Variants in GEMIN5 observed in about 807,000 individuals in gnomAD.
GEMIN5 encodes gem nuclear organelle associated protein 5.
GEMIN5 carries 124 observed loss-of-function variants against 176.9 expected under a neutral mutation model. The ratio of observed to expected loss-of-function variants is 0.70; its 90% CI spans 0.61 to 0.81. The LOEUF is 0.81. Ranked by LOEUF, GEMIN5 falls within the 40% of genes least tolerant of loss-of-function variation. The pLI, the probability that GEMIN5 is intolerant of heterozygous loss-of-function variation, is 0.00. For synonymous variants in GEMIN5, 673 were observed against 665.2 expected (o/e 1.01, Z -0.18); for missense variants, 1,843 against 1,814.6 (o/e 1.02, Z -0.28).
At chr5:154,918,154 T>C in intron 11 of GEMIN5, 150 bp from the exon 12 acceptor site, 3 of 607,306 alleles carry the variant, frequency 4.9e-6, no homozygotes, top group Non-Finnish European at 8.7e-6. Context: ...GTAAAAGGAT[T>C]ACTAAGAACA....
chr5:154,892,894 C>A (rs529282010), intron 24 of GEMIN5, among the ~76,000 whole-genome samples: 3 of 152,094 alleles, frequency 2.0e-5, no homozygotes, highest in Admixed American at 6.5e-5. Flanking sequence ...GTCAGGAGTT[C>A]AAGACCAGCC....
intron 20 of GEMIN5, among the ~76,000 whole-genome samples, chr5:154,902,323 C>G (rs1763481798): frequency 6.6e-6 from 1 of 152,152 alleles, no homozygotes; most frequent in South Asian, 2.1e-4. Flanking sequence ...TCAAGAAGTT[C>G]TCACCAATTA....
chr5:154,928,377 G>C, intron 6 of GEMIN5, 150 bp downstream of exon 6: 1 of 695,890 alleles, frequency 1.4e-6, no homozygotes, highest in Non-Finnish European at 2.5e-6. Context: ...TCTGTTAGTA[G>C]ATAGCACAGG....
intron 8 of GEMIN5, among the ~76,000 whole-genome samples, chr5:154,925,257 T>TA (rs1764006161): frequency 6.6e-6 from 1 of 152,206 alleles, no homozygotes; most frequent in Non-Finnish European, 1.5e-5. Context: ...AGATAGATCA[T>TA]AAACTGTCCA....
In GEMIN5 at chr5:154,901,375, T is replaced by C. The variant is rs1315054443; in HGVS notation, c.2978A>G (p.Glu993Gly). Residue 993 changes from glutamate (E) to glycine (G), a missense_variant, in exon 21 of 28, where the codon GAA becomes GGA. By Grantham distance (98) the Glu-to-Gly change is moderately conservative (BLOSUM62 -2). Coordinates refer to ENST00000285873, the MANE Select transcript of GEMIN5 (RefSeq NM_015465.5). ...SHLLSIHKVY[E>G]AVELLKSNHF... ...GTTTGACTTGAGCAGCTCCACCGCTTCATACACTTTGTGGATGGAAAGTAG... is the reference window on the plus strand; with the variant it reads ...GTTTGACTTGAGCAGCTCCACCGCTCCATACACTTTGTGGATGGAAAGTAG... 6.2e-7 allele frequency: 1 copy of C among 1,614,124 alleles called. No individual in the cohort carries two copies. The highest frequency in any genetic ancestry group is 1.3e-5 in the African/African-American group (1 of 75,044).
intron 1 of GEMIN5, 84 bp downstream of exon 1, chr5:154,937,884 G>A (rs80222919): frequency 0.039 from 47,936 of 1,242,482 alleles, 1,097 homozygotes; most frequent in Middle Eastern, 0.043. Flanking sequence ...CCTAGCTGTA[G>A]AAAACGGGGT....
At chr5:154,897,376 T>C (rs1364593466) in intron 23 of GEMIN5, among the ~76,000 whole-genome samples, 2 of 152,226 alleles carry the variant, frequency 1.3e-5, no homozygotes, top group Non-Finnish European at 2.9e-5. Context: ...ACTAGGTAAG[T>C]GTGCCAATGC....
chr5:154,920,191 T>C (rs1763896468), intron 10 of GEMIN5, 88 bp from the exon 11 acceptor site: 6 of 956,580 alleles, frequency 6.3e-6, no homozygotes, highest in Non-Finnish European at 9.2e-6. Context: ...CCATACTACA[T>C]AGTTGTTTTA....
chr5:154,903,235 C>T, intron 18 of GEMIN5, 60 bp from the exon 19 acceptor site: 2 of 1,087,766 alleles, frequency 1.8e-6, no homozygotes, highest in Non-Finnish European at 2.8e-6. Flanking sequence ...ACAGTTTTCT[C>T]TCCAATAACT....
At chr5:154,918,810 G>C (rs1351423308) in intron 11 of GEMIN5, among the ~76,000 whole-genome samples, 1 of 152,212 alleles carries the variant, frequency 6.6e-6, no homozygotes, top group Non-Finnish European at 1.5e-5. Flanking sequence ...GGGAGGCCAA[G>C]TGGGGTGGAT....
chr5:154,901,511 A>G, intron 20 of GEMIN5, 25 bp from the exon 21 acceptor site: 1 of 1,610,028 alleles, frequency 6.2e-7, no homozygotes, highest in Non-Finnish European at 8.5e-7. Context: ...GATGGTGGTT[A>G]AAAAAACAGT....
chr5:154,891,875 C>A (rs187406726), intron 25 of GEMIN5, 133 bp from the exon 26 acceptor site: 2 of 839,762 alleles, frequency 2.4e-6, no homozygotes, highest in East Asian at 2.5e-5. Flanking sequence ...TGTGATCCAC[C>A]GGGCCACATG....
chr5:154,891,642 T>C lies in GEMIN5; in HGVS notation c.3861A>G (p.Glu1287=), dbSNP rs1296620963. ...EAFFLYGRLY[E]FWWSLSRPCP... ...AAGGTCTGGAGAGAGACCACCAGAA[T>C]TCATACAGACGCCCATAAAGAAAAA... Residue 1287 remains glutamate (E), a synonymous_variant, in exon 26 of 28, where the codon GAA becomes GAG. Transcript: ENST00000285873. 18 of 1,614,090 alleles carry C rather than the reference T, an allele frequency of 1.1e-5. No homozygotes were observed. Among genetic ancestry groups the C allele is most frequent in the South Asian group, 3.3e-5 (3 of 91,052 alleles).
chr5:154,932,217 G>T lies in GEMIN5; in HGVS notation c.543C>A (p.Ile181=). 6.2e-7 allele frequency: 1 copy of T among 1,610,710 alleles called. No homozygotes were observed. Among genetic ancestry groups the T allele is most frequent in the Non-Finnish European group, 8.5e-7 (1 of 1,177,022 alleles). Residue 181 remains isoleucine, a synonymous_variant, in exon 4 of 28, where the codon ATC becomes ATA. Transcript: ENST00000285873. ...YKDGIVVIID[I]SKKGEVIHRL... ...TATGAATAACTTCTCCTTTCTTACT[G>T]ATGTCAATTATCACCACTATGCCAT...
intron 6 of GEMIN5, among the ~76,000 whole-genome samples, chr5:154,928,146 C>T: frequency 6.6e-6 from 1 of 152,156 alleles, no homozygotes; most frequent in East Asian, 1.9e-4. Flanking sequence ...AGTAGGTAGT[C>T]AATGAACTTT....
In GEMIN5 at chr5:154,902,656, C is replaced by A. The variant is rs1258284265; in HGVS notation, c.2749G>T (p.Gly917Cys). The change falls in exon 20 of 28, where the codon GGC (glycine) becomes TGC (cysteine). Residue 917 changes from glycine (G) to cysteine (C), a missense_variant. By Grantham distance (159) the Gly-to-Cys change is radical (BLOSUM62 -3). Transcript: ENST00000285873. ...DIEGKGHLEN[G>C]HPELFHQLML... Reference sequence around the variant, plus strand: ...AGCTGGTGAAATAACTCAGGGTGGCCATTTTCTAAGTGACCTTTTCCTGTT... The same window carrying A: ...AGCTGGTGAAATAACTCAGGGTGGCAATTTTCTAAGTGACCTTTTCCTGTT... 6.2e-7 allele frequency: 1 copy of A among 1,613,960 alleles called. No homozygotes were observed. The highest frequency in any genetic ancestry group is 1.7e-5 in the Admixed American group (1 of 60,012).
chr5:154,929,005 C>T (rs568081644), intron 5 of GEMIN5, among the ~76,000 whole-genome samples: 6 of 151,764 alleles, frequency 4.0e-5, no homozygotes, highest in African/African-American at 4.8e-5. Flanking sequence ...GGGAGGATCA[C>T]GAGGTCAGGA....
At chr5:154,892,607 G>A in intron 24 of GEMIN5, 58 bp from the exon 25 acceptor site, 1 of 1,519,282 alleles carries the variant, frequency 6.6e-7, no homozygotes, top group South Asian at 1.2e-5. Context: ...CGCAGAGGAT[G>A]CCACCAAACT....
At chr5:154,932,001 G>T in intron 4 of GEMIN5, 98 bp downstream of exon 4, 3 of 1,006,970 alleles carry the variant, frequency 3.0e-6, no homozygotes, top group Non-Finnish European at 2.9e-6. Context: ...GCAAAACTCC[G>T]TCTCCAAAAA....
Sources: allele counts gnomAD v4.1 joint callset (sites outside exome capture counted in the v4.1 genomes callset), GRCh38; gene constraint gnomAD v4.1.1; transcripts MANE v1.5; gene names NCBI Gene and HGNC (gene_info 2026-07-23, HGNC 2026-07-21).